The following ADGRL2 variants were observed in gnomAD, a reference collection of about 807,000 sequenced individuals.
The protein encoded by ADGRL2 is calcium-independent alpha-latrotoxin receptor 2.
In ADGRL2, 44 loss-of-function variants were observed where a neutral mutation model predicts 157.4. The observed-to-expected ratio is 0.28, with a 90% CI of 0.22 to 0.36. The LOEUF is 0.36. Among genes scored for constraint, ADGRL2 ranks in the 10% least tolerant of loss-of-function variants. ADGRL2 has a pLI of 1.00. For synonymous variants in ADGRL2, 585 were observed against 624.7 expected (o/e 0.94, Z 0.95); for missense variants, 1,510 against 1,768.9 (o/e 0.85, Z 2.63).
intron 3 of ADGRL2, among the ~76,000 whole-genome samples, chr1:81,650,390 T>TA (rs71242585): frequency 0.39 from 58,105 of 150,182 alleles, 11,565 homozygotes; most frequent in Middle Eastern, 0.48. Context: ...GCCAACATGG[T>TA]AAAAAAAACC....
chr1:81,359,236 A>G (rs1333688060), intron 1 of ADGRL2, among the ~76,000 whole-genome samples: 3 of 152,076 alleles, frequency 2.0e-5, no homozygotes, highest in Admixed American at 6.6e-5. Context: ...TGTTAGCCTA[A>G]TACGTATATT....
chr1:81,811,714 A>T (rs1031873623), intron 1 of ADGRL2, among the ~76,000 whole-genome samples: 10 of 151,774 alleles, frequency 6.6e-5, no homozygotes, highest in African/African-American at 2.4e-4. Flanking sequence ...AATACTCTCC[A>T]GGTGTAAATT....
At chr1:81,331,835 A>G (rs1301771247) in intron 1 of ADGRL2, among the ~76,000 whole-genome samples, 1 of 152,184 alleles carries the variant, frequency 6.6e-6, no homozygotes, top group African/African-American at 2.4e-5. Context: ...CTTGAAGATT[A>G]TATGAGAGCA....
chr1:81,459,539 T>C (rs552146662), intron 2 of ADGRL2, among the ~76,000 whole-genome samples: 52 of 152,306 alleles, frequency 3.4e-4, no homozygotes, highest in African/African-American at 1.2e-3. Context: ...TTTCATTGTA[T>C]GTGCATACCA....
intron 3 of ADGRL2, among the ~76,000 whole-genome samples, chr1:81,911,009 C>A (rs1175068828): frequency 1.3e-5 from 2 of 151,528 alleles, no homozygotes; most frequent in African/African-American, 4.8e-5. Flanking sequence ...TATTTTGCTC[C>A]TCTTGTGTTT....
intron 2 of ADGRL2, among the ~76,000 whole-genome samples, chr1:81,475,674 G>T (rs2078258056): frequency 6.6e-6 from 1 of 152,094 alleles, no homozygotes; most frequent in Non-Finnish European, 1.5e-5. Context: ...GATTATTTGG[G>T]GGGAGGAGAT....
At chr1:81,778,680 A>G (rs12073602) in intron 2 of ADGRL2, among the ~76,000 whole-genome samples, 10,898 of 152,124 alleles carry the variant, frequency 0.072, 590 homozygotes, top group African/African-American at 0.14. Context: ...TTCCTCTCCA[A>G]TGTCTCCCTC....
chr1:81,802,303 C>G (rs2088331328), intron 1 of ADGRL2, among the ~76,000 whole-genome samples: 1 of 151,988 alleles, frequency 6.6e-6, no homozygotes. Context: ...GCCTCCAGTC[C>G]GGGGGTGGAT....
At chr1:81,524,470 T>A (rs1417138211) in intron 2 of ADGRL2, among the ~76,000 whole-genome samples, 1 of 152,186 alleles carries the variant, frequency 6.6e-6, no homozygotes, top group African/African-American at 2.4e-5. Flanking sequence ...TACACATACA[T>A]GTGAAAAACT....
At chr1:81,519,328 G>C (rs1051675322) in intron 2 of ADGRL2, among the ~76,000 whole-genome samples, 1 of 152,118 alleles carries the variant, frequency 6.6e-6, no homozygotes, top group African/African-American at 2.4e-5. Context: ...GGTGTAAGAA[G>C]TATTTGACTT....
intron 2 of ADGRL2, among the ~76,000 whole-genome samples, chr1:81,889,958 C>T (rs1043623375): frequency 1.7e-4 from 26 of 152,198 alleles, no homozygotes; most frequent in African/African-American, 5.5e-4. Flanking sequence ...TGGGTCACCT[C>T]GGTCTCCTCT....
intron 1 of ADGRL2, among the ~76,000 whole-genome samples, chr1:81,365,008 G>C (rs1379298855): frequency 6.6e-6 from 1 of 152,040 alleles, no homozygotes; most frequent in African/African-American, 2.4e-5. Context: ...GTCTTGTATT[G>C]AGATAACCAA....
At chr1:81,596,103 T>C (rs1317130228) in intron 3 of ADGRL2, 2,951 of 15,848 alleles carry the variant, frequency 0.19, 5 homozygotes, top group South Asian at 0.28. Flanking sequence ...AACTAGGATC[T>C]TTTTTTTTTT....
intron 1 of ADGRL2, among the ~76,000 whole-genome samples, chr1:81,705,824 T>A (rs923182159): frequency 6.6e-6 from 1 of 152,078 alleles, no homozygotes; most frequent in African/African-American, 2.4e-5. Context: ...GAGGATCGCT[T>A]GAGCCCAGGA....
intron 1 of ADGRL2, among the ~76,000 whole-genome samples, chr1:81,351,361 T>TCACCAGAGC: frequency 6.6e-6 from 1 of 152,252 alleles, no homozygotes; most frequent in East Asian, 1.9e-4. Context: ...ATAAATACTT[T>TCACCAGAGC]CATTTTGAAA....
At chr1:81,777,225 T>C (rs1474786284) in intron 2 of ADGRL2, among the ~76,000 whole-genome samples, 3 of 152,200 alleles carry the variant, frequency 2.0e-5, no homozygotes, top group Non-Finnish European at 2.9e-5. Context: ...TCTCCATTAT[T>C]CTATACACAT....
intron 1 of ADGRL2, among the ~76,000 whole-genome samples, chr1:81,355,593 C>T (rs1183182212): frequency 6.6e-6 from 1 of 152,098 alleles, no homozygotes; most frequent in South Asian, 2.1e-4. Flanking sequence ...TTATAGTTGT[C>T]CATAAAAGAA....
intron 2 of ADGRL2, among the ~76,000 whole-genome samples, chr1:81,510,938 G>A (rs1432739597): frequency 6.6e-6 from 1 of 152,134 alleles, no homozygotes; most frequent in Non-Finnish European, 1.5e-5. Context: ...AGTAAATGAA[G>A]AGCATGGCCT....
rs992555175 is a variant in ADGRL2 at position 81,964,131 on chromosome 1, A to G, written c.2018-1927A>G. Among the ~76,000 whole-genome samples, 82 of 151,938 alleles carry G rather than the reference A, an allele frequency of 5.4e-4. 1 individual carries two copies. The highest frequency in any genetic ancestry group is 1.9e-3 in the African/African-American group (80 of 41,408). On this transcript the variant is annotated intron_variant, in intron 11 of 23. Transcript: ENST00000686636. ...GATCTTACTACTTTTAATAATTTAA[A>G]GTTTTTCTTTACTGTGAACATTATT... is the stretch of plus-strand genomic sequence containing the variant.
Sources: allele counts gnomAD v4.1 joint callset (sites outside exome capture counted in the v4.1 genomes callset), GRCh38; gene constraint gnomAD v4.1.1; transcripts MANE v1.5; gene names NCBI Gene and HGNC (gene_info 2026-07-23, HGNC 2026-07-21).